The following ARB2A variants were observed in gnomAD, a reference collection of about 807,000 sequenced individuals.
ARB2A encodes the protein ARB2 cotranscriptional regulator A.
the ARB2A span, among the ~76,000 whole-genome samples, chr5:94,004,998 CAAAAAAAAA>C: frequency 0.07 from 867 of 12,470 alleles, 6 homozygotes; most frequent in African/African-American, 0.19. Context: ...ATTTTATCAG[CAAAAAAAAA>C]AAAAAAAAAA....
the ARB2A span, among the ~76,000 whole-genome samples, chr5:93,945,920 G>A: frequency 1.3e-5 from 2 of 152,108 alleles, no homozygotes; most frequent in Non-Finnish European, 2.9e-5. Context: ...GGAACAAAAG[G>A]ATTCAAGGCC....
At chr5:93,888,735 T>C in the ARB2A span, among the ~76,000 whole-genome samples, 1 of 151,882 alleles carries the variant, frequency 6.6e-6, no homozygotes. Flanking sequence ...AATTATTCTA[T>C]ATTAAATATA....
At chr5:93,635,459 G>GTTTTTTTTTTT in the ARB2A span, among the ~76,000 whole-genome samples, 27 of 128,920 alleles carry the variant, frequency 2.1e-4, 2 homozygotes, top group African/African-American at 8.5e-4. Context: ...TTATACGAAA[G>GTTTTTTTTTTT]TTTTTTTTTT....
At chr5:93,659,242 T>A in the ARB2A span, among the ~76,000 whole-genome samples, 2 of 152,086 alleles carry the variant, frequency 1.3e-5, no homozygotes, top group Admixed American at 1.3e-4. Context: ...AAAATCAGAA[T>A]TTCATAATCT....
At chr5:93,728,594 G>T in the ARB2A span, among the ~76,000 whole-genome samples, 3 of 151,610 alleles carry the variant, frequency 2.0e-5, no homozygotes, top group Non-Finnish European at 4.4e-5. Context: ...ATAAGAACAG[G>T]CCAGTGGATC....
At chr5:94,047,548 A>G in the ARB2A span, among the ~76,000 whole-genome samples, 408 of 152,318 alleles carry the variant, frequency 2.7e-3, 1 homozygote, top group African/African-American at 9.3e-3. Flanking sequence ...CTTGGGTCCA[A>G]ATTGAATGTG....
chr5:94,053,305 A>G, the ARB2A span: 6 of 794,860 alleles, frequency 7.5e-6, no homozygotes, highest in South Asian at 1.1e-4. Flanking sequence ...AATTTAATTT[A>G]AAGTATTCTT....
At chr5:93,625,298 T>G in the ARB2A span, among the ~76,000 whole-genome samples, 1 of 152,212 alleles carries the variant, frequency 6.6e-6, no homozygotes, top group Non-Finnish European at 1.5e-5. Context: ...TCTGTAGAAT[T>G]TATTTCAGGA....
At chr5:93,832,282 C>A in the ARB2A span, among the ~76,000 whole-genome samples, 4 of 152,142 alleles carry the variant, frequency 2.6e-5, no homozygotes, top group East Asian at 7.7e-4. Context: ...TTATACCCCA[C>A]AGAAGCCAAT....
chr5:93,711,376 G>A, the ARB2A span, among the ~76,000 whole-genome samples: 3 of 151,990 alleles, frequency 2.0e-5, no homozygotes, highest in African/African-American at 7.2e-5. Context: ...TCTGTCATAA[G>A]AGTTAAAAAT....
the ARB2A span, chr5:93,776,089 C>G: frequency 8.1e-7 from 1 of 1,235,632 alleles, no homozygotes; most frequent in Non-Finnish European, 1.1e-6. Flanking sequence ...AAACAGAATT[C>G]TACATTTCAT....
At chr5:93,804,510 T>C in the ARB2A span, among the ~76,000 whole-genome samples, 1 of 151,900 alleles carries the variant, frequency 6.6e-6, no homozygotes, top group African/African-American at 2.4e-5. Flanking sequence ...AATAATTCAA[T>C]ATTATTAAAA....
chr5:93,621,034 G>A, the ARB2A span: 1 of 1,611,746 alleles, frequency 6.2e-7, no homozygotes, highest in South Asian at 1.1e-5. Flanking sequence ...GTCACAGCCG[G>A]CTTCAGGGAG....
At chr5:94,015,843 C>A in the ARB2A span, among the ~76,000 whole-genome samples, 1 of 152,176 alleles carries the variant, frequency 6.6e-6, no homozygotes. Context: ...CAGGGAAAAT[C>A]ACTTAATCAC....
the ARB2A span, among the ~76,000 whole-genome samples, chr5:93,808,072 C>G: frequency 6.6e-6 from 1 of 151,902 alleles, no homozygotes; most frequent in African/African-American, 2.4e-5. Flanking sequence ...GTCCTGCAAC[C>G]TAGGGAGGGA....
the ARB2A span, among the ~76,000 whole-genome samples, chr5:93,932,892 T>A: frequency 6.6e-6 from 1 of 152,024 alleles, no homozygotes; most frequent in African/African-American, 2.4e-5. Context: ...TGATATGTGT[T>A]AAGTATTCAT....
At chr5:93,940,910 A>G in the ARB2A span, among the ~76,000 whole-genome samples, 1 of 152,246 alleles carries the variant, frequency 6.6e-6, no homozygotes, top group South Asian at 2.1e-4. Flanking sequence ...AACTCAGGGG[A>G]TAAGCTGATA....
chr5:93,721,792 C>T, the ARB2A span, among the ~76,000 whole-genome samples: 77 of 152,192 alleles, frequency 5.1e-4, no homozygotes, highest in South Asian at 8.7e-3. Flanking sequence ...CAAGTATACA[C>T]ATGAATTAAA....
chr5:93,973,772 A>G, the ARB2A span, among the ~76,000 whole-genome samples: 1 of 152,240 alleles, frequency 6.6e-6, no homozygotes. Flanking sequence ...GCATTCTTTA[A>G]GAAAAGAAAT....
Sources: gnomAD v4.1 joint callset for allele counts (sites outside exome capture counted in the v4.1 genomes callset) on GRCh38, gnomAD v4.1.1 for gene constraint, MANE v1.5 for transcripts, NCBI Gene and HGNC (gene_info 2026-07-23, HGNC 2026-07-21) for gene names.